Variants in SGCD observed in about 807,000 individuals in gnomAD.
The protein encoded by SGCD is sarcoglycan delta.
A neutral mutation model predicts 36.6 loss-of-function variants in SGCD; 18 were observed. The observed-to-expected ratio is 0.49, with a 90% CI of 0.34 to 0.73. The LOEUF (loss-of-function observed/expected upper bound fraction) is 0.73. SGCD is among the 30% of genes least tolerant of loss of function. The pLI is 0.01. For synonymous variants in SGCD, 133 were observed against 130.6 expected, an observed-to-expected ratio of 1.02 and a Z score of -0.12; for missense variants, 387 against 346.7, an observed-to-expected ratio of 1.12 and a Z score of -0.92.
chr5:155,928,521 A>T (rs998995919), intron 1 of SGCD, among the ~76,000 whole-genome samples: 2 of 152,040 alleles, frequency 1.3e-5, no homozygotes, highest in African/African-American at 4.8e-5. Context: ...TATAAAAATT[A>T]GCTGGGTTCG....
At chr5:156,699,457 A>G (rs1183660218) in intron 7 of SGCD, among the ~76,000 whole-genome samples, 5 of 152,096 alleles carry the variant, frequency 3.3e-5, no homozygotes, top group Non-Finnish European at 7.4e-5. Flanking sequence ...TTTGATGACT[A>G]CAATTGTGAT....
At chr5:156,448,140 T>A (rs1396067825) in intron 3 of SGCD, among the ~76,000 whole-genome samples, 1 of 152,188 alleles carries the variant, frequency 6.6e-6, no homozygotes, top group African/African-American at 2.4e-5. Context: ...TCTGTATTTG[T>A]TGAAATCCTC....
chr5:156,567,097 C>T (rs1262535488), intron 4 of SGCD, among the ~76,000 whole-genome samples: 1 of 152,154 alleles, frequency 6.6e-6, no homozygotes, highest in African/African-American at 2.4e-5. Context: ...ATCTCTTGAA[C>T]AAGATCCATG....
intron 7 of SGCD, among the ~76,000 whole-genome samples, chr5:156,731,091 G>GT (rs532065790): frequency 1.3e-3 from 192 of 151,950 alleles, no homozygotes; most frequent in East Asian, 8.3e-3. Flanking sequence ...TTTTAACGAG[G>GT]TTTTTTTGCA....
chr5:156,082,108 G>C (rs1760970450), intron 1 of SGCD, among the ~76,000 whole-genome samples: 1 of 152,084 alleles, frequency 6.6e-6, no homozygotes, highest in Admixed American at 6.6e-5. Flanking sequence ...TTCAATCTGA[G>C]TTTAATTAAT....
intron 3 of SGCD, among the ~76,000 whole-genome samples, chr5:156,388,046 A>G (rs1561663117): frequency 6.6e-6 from 1 of 152,160 alleles, no homozygotes; most frequent in Non-Finnish European, 1.5e-5. Flanking sequence ...GGCTCAGTTG[A>G]TATTGATGGA....
At chr5:156,273,708 T>A (rs777671151) in intron 3 of SGCD, among the ~76,000 whole-genome samples, 8 of 152,176 alleles carry the variant, frequency 5.3e-5, no homozygotes, top group Non-Finnish European at 1.2e-4. Flanking sequence ...TTTAGAATTT[T>A]TAAAAGTGGG....
intron 3 of SGCD, among the ~76,000 whole-genome samples, chr5:156,250,345 A>C (rs552166011): frequency 6.6e-6 from 1 of 152,190 alleles, no homozygotes; most frequent in Admixed American, 6.5e-5. Flanking sequence ...AAGGTGTGAA[A>C]CCCACAAGGA....
the SGCD span, among the ~76,000 whole-genome samples, chr5:155,823,108 ATC>A: frequency 6.9e-6 from 1 of 145,334 alleles, no homozygotes; most frequent in East Asian, 2.0e-4. Flanking sequence ...CTATCTATCT[ATC>A]TATCTGGCTA....
chr5:156,096,745 G>A (rs1430829131), intron 1 of SGCD, among the ~76,000 whole-genome samples: 1 of 152,158 alleles, frequency 6.6e-6, no homozygotes, highest in Non-Finnish European at 1.5e-5. Context: ...TTCTTAAGAA[G>A]CTAAACATAA....
At chr5:156,610,899 T>A (rs1377104925) in intron 6 of SGCD, among the ~76,000 whole-genome samples, 4 of 152,226 alleles carry the variant, frequency 2.6e-5, no homozygotes, top group Non-Finnish European at 5.9e-5. Flanking sequence ...GAAAGCGCAG[T>A]ATTAGGGTGA....
At chr5:156,021,262 T>G (rs1759090461) in intron 1 of SGCD, among the ~76,000 whole-genome samples, 1 of 152,136 alleles carries the variant, frequency 6.6e-6, no homozygotes, top group Non-Finnish European at 1.5e-5. Context: ...AATAAATCAT[T>G]TATTTTTCAA....
At chr5:156,084,294 A>G (rs530874233) in intron 1 of SGCD, among the ~76,000 whole-genome samples, 2 of 152,202 alleles carry the variant, frequency 1.3e-5, no homozygotes, top group Non-Finnish European at 2.9e-5. Context: ...AATTTTTAGT[A>G]TATAAGTACT....
chr5:156,261,722 G>A (rs943505904), intron 3 of SGCD, among the ~76,000 whole-genome samples: 9 of 152,178 alleles, frequency 5.9e-5, no homozygotes, highest in Non-Finnish European at 1.2e-4. Flanking sequence ...ACAGCTCCAA[G>A]TATGTTATTG....
chr5:155,749,063 T>C, the SGCD span, among the ~76,000 whole-genome samples: 152 of 152,362 alleles, frequency 1.0e-3, 1 homozygote, highest in African/African-American at 3.3e-3. Flanking sequence ...GTAGACATCA[T>C]AATGCATGCA....
intron 3 of SGCD, among the ~76,000 whole-genome samples, chr5:156,412,864 C>T (rs1295542192): frequency 2.7e-5 from 4 of 149,142 alleles, no homozygotes; most frequent in South Asian, 2.1e-4. Context: ...GGCGCAATCT[C>T]GGCTCACTGC....
chr5:155,748,455 T>C, the SGCD span, among the ~76,000 whole-genome samples: 1 of 152,156 alleles, frequency 6.6e-6, no homozygotes, highest in South Asian at 2.1e-4. Context: ...CTGAGGCGTA[T>C]GGTTCTCAAA....
intron 4 of SGCD, among the ~76,000 whole-genome samples, chr5:156,567,787 A>G (rs988831367): frequency 6.6e-6 from 1 of 152,062 alleles, no homozygotes; most frequent in East Asian, 1.9e-4. Flanking sequence ...TATTAAAAAT[A>G]TAATAATCTC....
intron 3 of SGCD, among the ~76,000 whole-genome samples, chr5:156,284,009 AT>A (rs1460362030): frequency 6.6e-6 from 1 of 152,100 alleles, no homozygotes; most frequent in African/African-American, 2.4e-5. Flanking sequence ...CTTCTTAGGG[AT>A]TTTTGTGGAA....
Sources: allele counts gnomAD v4.1 joint callset (sites outside exome capture counted in the v4.1 genomes callset), GRCh38; gene constraint gnomAD v4.1.1; transcripts MANE v1.5; gene names NCBI Gene and HGNC (gene_info 2026-07-23, HGNC 2026-07-21).